Variants in PARD3B observed in about 807,000 individuals in gnomAD.
PARD3B encodes par-3 family cell polarity regulator beta.
In PARD3B, 103 loss-of-function variants were observed where a neutral mutation model predicts 130.2. That is an observed-to-expected ratio of 0.79 (90% confidence interval 0.67 to 0.93). The LOEUF (loss-of-function observed/expected upper bound fraction) is 0.93. Ranked by LOEUF, PARD3B falls within the 40% of genes least tolerant of loss-of-function variation. The pLI, the probability that PARD3B is intolerant of heterozygous loss-of-function variation, is 0.00. For synonymous variants in PARD3B, 583 were observed against 553.2 expected (o/e 1.05, Z -0.76); for missense variants, 1,609 against 1,499.2 (o/e 1.07, Z -1.21).
chr2:204,753,928 T>C (rs929688), intron 2 of PARD3B, among the ~76,000 whole-genome samples: 150,039 of 152,242 alleles, frequency 0.99, 73,979 homozygotes, highest in East Asian at 1. Flanking sequence ...AAATAATTGG[T>C]GCAGTGTTAT....
intron 22 of PARD3B, among the ~76,000 whole-genome samples, chr2:205,555,908 G>A (rs1239683375): frequency 6.6e-6 from 1 of 152,122 alleles, no homozygotes; most frequent in Non-Finnish European, 1.5e-5. Context: ...ATGGGTGGGG[G>A]GCTCCAAATT....
Position 205,391,963 on chromosome 2 carries a change from C to G in PARD3B, c.2631-9050C>G, listed in dbSNP as rs74954254. On this transcript the variant is annotated intron_variant, in intron 18 of 22. Coordinates refer to ENST00000406610, the MANE Select transcript of PARD3B (RefSeq NM_001302769.2). ...GCAATATCCAGTGTCTAACAAATCT[C>G]TTAACTTTTCTTACAAATCGTCCAT... is the stretch of plus-strand genomic sequence containing the variant. 6.6e-3 allele frequency among the ~76,000 whole-genome samples: 998 copies of G among 152,242 alleles called. 15 individuals carry two copies. The highest frequency in any genetic ancestry group is 0.023 in the African/African-American group (959 of 41,546).
rs1006016375 is a variant in PARD3B at position 205,300,514 on chromosome 2, G to T, written c.2186-16G>T. On this transcript the variant is annotated splice_polypyrimidine_tract_variant and intron_variant, in intron 16 of 22. Coordinates refer to ENST00000406610, the MANE Select transcript of PARD3B (RefSeq NM_001302769.2). This position sits in a 1 kb window ranked among gnomAD's most constrained non-coding sequence, Gnocchi z 4.1. The stretch of plus-strand genomic sequence containing the variant: ...CCCATTAGAAGAGGGGTGACCTTTT[G>T]CCCTTTCTTTTCCAGAATCTCCAAG... The T allele has an allele frequency of 1.2e-6, 2 of 1,601,272 alleles. No homozygotes were observed. The highest frequency in any genetic ancestry group is 1.7e-6 in the Non-Finnish European group (2 of 1,169,416).
intron 2 of PARD3B, among the ~76,000 whole-genome samples, chr2:204,825,166 G>C (rs779739471): frequency 2.7e-4 from 41 of 152,170 alleles, no homozygotes; most frequent in Non-Finnish European, 5.1e-4. Flanking sequence ...TGATCTAGCT[G>C]TTATCTGTTC....
intron 2 of PARD3B, among the ~76,000 whole-genome samples, chr2:204,929,588 T>G (rs1235957377): frequency 2.0e-5 from 3 of 152,032 alleles, no homozygotes; most frequent in Non-Finnish European, 4.4e-5. Context: ...TGGGCAGCAA[T>G]GTTTGAAGAA....
intron 22 of PARD3B, among the ~76,000 whole-genome samples, chr2:205,567,256 A>G (rs921584530): frequency 2.8e-4 from 42 of 151,728 alleles, no homozygotes; most frequent in African/African-American, 1.0e-3. Context: ...GAATGGGACA[A>G]AATGTAAAGA....
intron 3 of PARD3B, among the ~76,000 whole-genome samples, chr2:204,974,493 A>G (rs1168994751): frequency 1.3e-5 from 2 of 152,136 alleles, no homozygotes; most frequent in Non-Finnish European, 2.9e-5. Context: ...TTTTTATACT[A>G]TTTGGCCTAA....
chr2:204,977,382 A>G (rs1438053645), intron 3 of PARD3B, among the ~76,000 whole-genome samples: 1 of 152,130 alleles, frequency 6.6e-6, no homozygotes, highest in Non-Finnish European at 1.5e-5. Flanking sequence ...TCCTCCCTCA[A>G]CTGACCCAGA....
At chr2:205,553,095 G>A (rs538875591) in intron 21 of PARD3B, among the ~76,000 whole-genome samples, 1 of 152,208 alleles carries the variant, frequency 6.6e-6, no homozygotes, top group Non-Finnish European at 1.5e-5. Flanking sequence ...ACATGAGGGA[G>A]TCAGTTTGAC....
At chr2:204,837,220 AGCT>A (rs1264248952) in intron 2 of PARD3B, among the ~76,000 whole-genome samples, 1 of 152,138 alleles carries the variant, frequency 6.6e-6, no homozygotes, top group Non-Finnish European at 1.5e-5. Context: ...TAAAAATCTT[AGCT>A]TTTCCTCTTT....
At chr2:205,076,714 G>A (rs757191982) in intron 4 of PARD3B, among the ~76,000 whole-genome samples, 1 of 152,068 alleles carries the variant, frequency 6.6e-6, no homozygotes. Context: ...CGCTCCTTAC[G>A]AGAATCTAAC....
At chr2:204,627,939 T>A (rs2125135596) in intron 1 of PARD3B, among the ~76,000 whole-genome samples, 1 of 151,598 alleles carries the variant, frequency 6.6e-6, no homozygotes, top group South Asian at 2.1e-4. Context: ...GAATGTGGCC[T>A]AACACAAATT....
chr2:205,500,072 C>T, intron 21 of PARD3B, 41 bp downstream of exon 21: 5 of 1,602,086 alleles, frequency 3.1e-6, no homozygotes, highest in Non-Finnish European at 4.3e-6. Flanking sequence ...TTCATCTTTT[C>T]TAAGAATGTT....
chr2:205,610,715 A>G (rs193108188), intron 22 of PARD3B, among the ~76,000 whole-genome samples: 3 of 152,272 alleles, frequency 2.0e-5, no homozygotes, highest in Admixed American at 2.0e-4. Context: ...CCCTGATAAA[A>G]TTTACAGTCA....
At chr2:204,921,501 TA>T (rs35377329) in intron 2 of PARD3B, among the ~76,000 whole-genome samples, 34,223 of 151,928 alleles carry the variant, frequency 0.23, 4,253 homozygotes, top group Non-Finnish European at 0.28. Context: ...GAAGTCTAGT[TA>T]AGATGTTTTG....
At chr2:205,583,821 C>T (rs1313015549) in intron 22 of PARD3B, among the ~76,000 whole-genome samples, 3 of 152,190 alleles carry the variant, frequency 2.0e-5, no homozygotes, top group Non-Finnish European at 2.9e-5. Flanking sequence ...TGTCTTACAT[C>T]CCCCTCTTCC....
At chr2:205,475,322 C>T (rs2048989014) in intron 20 of PARD3B, among the ~76,000 whole-genome samples, 1 of 152,056 alleles carries the variant, frequency 6.6e-6, no homozygotes, top group Non-Finnish European at 1.5e-5. Context: ...CAAAGGAAAC[C>T]CCTTTGCAGT....
At chr2:204,846,479 A>G (rs1297227170) in intron 2 of PARD3B, among the ~76,000 whole-genome samples, 1 of 151,894 alleles carries the variant, frequency 6.6e-6, no homozygotes, top group Non-Finnish European at 1.5e-5. Context: ...ATTGCTGTGG[A>G]CACAAAGTTC....
At chr2:205,478,298 C>G (rs1350192218) in intron 20 of PARD3B, among the ~76,000 whole-genome samples, 2 of 152,164 alleles carry the variant, frequency 1.3e-5, no homozygotes, top group African/African-American at 2.4e-5. Flanking sequence ...TCTCTCCTCC[C>G]TAGTCCGTAA....
Sources: gnomAD v4.1 joint callset for allele counts (sites outside exome capture counted in the v4.1 genomes callset) on GRCh38, gnomAD v4.1.1 for gene constraint, Gnocchi (gnomAD v3.1) non-coding constraint, MANE v1.5 for transcripts, NCBI Gene and HGNC (gene_info 2026-07-23, HGNC 2026-07-21) for gene names.